Variants in GRIK3 observed in about 807,000 individuals in gnomAD.
The protein encoded by GRIK3 is glutamate receptor ionotropic, kainate 3.
Under a neutral mutation model 102.5 loss-of-function variants are expected in GRIK3, and 29 were observed. The observed-to-expected ratio is 0.28, with a 90% CI of 0.21 to 0.39. The LOEUF (loss-of-function observed/expected upper bound fraction) is 0.39, where lower values mean the gene tolerates loss of function less well. Among genes scored for constraint, GRIK3 ranks in the 10% least tolerant of loss-of-function variants. The pLI, the probability that GRIK3 is intolerant of heterozygous loss-of-function variation, is 1.00. For missense variants in GRIK3, 908 were observed against 1,252.4 expected, an observed-to-expected ratio of 0.73 and a Z score of 4.15; for synonymous variants, 511 against 504.9, an observed-to-expected ratio of 1.01 and a Z score of -0.16.
In GRIK3 at chr1:36,901,278, T is replaced by C. The variant is rs188383018; in HGVS notation, c.116-10182A>G. The stretch of plus-strand genomic sequence containing the variant: ...TCTCTCATTAATACAGATACAGAAA[T>C]CCTCAACAAAAAGTTAGCAAATTGA... On this transcript the variant is annotated intron_variant, in intron 1 of 15. Coordinates refer to ENST00000373091, the MANE Select transcript of GRIK3 (RefSeq NM_000831.4). Among the ~76,000 whole-genome samples the C allele has an allele frequency of 2.3e-3, 353 of 152,170 alleles. 2 individuals are homozygous for C. The highest frequency in any genetic ancestry group is 8.1e-3 in the African/African-American group (335 of 41,522).
intron 15 of GRIK3, among the ~76,000 whole-genome samples, chr1:36,803,333 G>A (rs1300406017): frequency 6.6e-6 from 1 of 152,234 alleles, no homozygotes; most frequent in African/African-American, 2.4e-5. Flanking sequence ...CAGAGTAGGG[G>A]AGGAGAGTGA....
At position 36,932,124 on chromosome 1, in the gene GRIK3, C is replaced by A. The variant is rs545425; in HGVS notation, c.116-41028G>T. ...CATCCCACAGATCTGCTGGCCTCTC[C>A]GCTTGTTTCTCCTTCCTTCTCTAGG... On this transcript the variant is annotated intron_variant, in intron 1 of 15. Coordinates refer to ENST00000373091, the MANE Select transcript of GRIK3 (RefSeq NM_000831.4). 2.7e-4 allele frequency among the ~76,000 whole-genome samples: 41 copies of A among 152,254 alleles called. 2 individuals carry two copies. Among genetic ancestry groups the A allele is most frequent in the African/African-American group, 9.6e-4 (40 of 41,536 alleles).
At chr1:37,020,659 A>G (rs1489086812) in intron 1 of GRIK3, among the ~76,000 whole-genome samples, 1 of 152,190 alleles carries the variant, frequency 6.6e-6, no homozygotes, top group African/African-American at 2.4e-5. Flanking sequence ...AGAAAATTCC[A>G]TCTATTACCT....
chr1:37,025,411 C>T (rs1642756150), intron 1 of GRIK3, among the ~76,000 whole-genome samples: 1 of 152,222 alleles, frequency 6.6e-6, no homozygotes, highest in Non-Finnish European at 1.5e-5. Flanking sequence ...CAGCAATCTG[C>T]ATCTTAATGA....
intron 1 of GRIK3, among the ~76,000 whole-genome samples, chr1:36,933,289 C>T (rs1445375732): frequency 6.6e-6 from 1 of 152,162 alleles, no homozygotes; most frequent in Non-Finnish European, 1.5e-5. Context: ...GGTGTCAAAC[C>T]TCAGTTCACA....
intron 5 of GRIK3, among the ~76,000 whole-genome samples, chr1:36,863,817 G>A (rs577501335): frequency 2.2e-4 from 34 of 152,222 alleles, no homozygotes; most frequent in African/African-American, 8.2e-4. Flanking sequence ...TATGAGCTAT[G>A]GGCTGAATAT....
Position 36,825,650 on chromosome 1 carries a change from A to T in GRIK3, c.1707T>A (p.Val569=). The T allele has an allele frequency of 6.2e-7, 1 of 1,609,994 alleles. No homozygotes were observed. The highest frequency in any genetic ancestry group is 8.5e-7 in the Non-Finnish European group (1 of 1,178,254). The change falls in exon 11 of 16, where the codon GTT becomes GTA. Residue 569 remains valine, a synonymous_variant. Coordinates refer to ENST00000373091, the MANE Select transcript of GRIK3 (RefSeq NM_000831.4). ...NPLSPDIWMY[V]LLAYLGVSCV... is the part of the protein sequence containing the mutation. ...AGCTGACCCCCAGGTAGGCGAGGAG[A>T]ACATACATCCAGATGTCTGGGGACA...
At chr1:36,940,734 C>T in intron 1 of GRIK3, among the ~76,000 whole-genome samples, 1 of 152,206 alleles carries the variant, frequency 6.6e-6, no homozygotes, top group East Asian at 1.9e-4. Flanking sequence ...AGCTGTGGCT[C>T]TGCCTTGCTA....
intron 1 of GRIK3, among the ~76,000 whole-genome samples, chr1:37,033,033 G>A (rs1642845106): frequency 6.6e-6 from 1 of 152,178 alleles, no homozygotes; most frequent in African/African-American, 2.4e-5. Context: ...CCGGCCTGGT[G>A]GCGGGCGCAG....
At chr1:36,908,478 C>T (rs1426891342) in intron 1 of GRIK3, among the ~76,000 whole-genome samples, 1 of 152,192 alleles carries the variant, frequency 6.6e-6, no homozygotes, top group Non-Finnish European at 1.5e-5. Flanking sequence ...AAGCTCCACC[C>T]ATGCAAGAAG....
chr1:36,808,276 G>T (rs1209022641), intron 13 of GRIK3, among the ~76,000 whole-genome samples: 1 of 152,188 alleles, frequency 6.6e-6, no homozygotes, highest in African/African-American at 2.4e-5. Context: ...TTCTCCTGTT[G>T]TAGAAAGCTT....
chr1:36,893,518 G>A (rs1416423988), intron 1 of GRIK3, among the ~76,000 whole-genome samples: 2 of 152,146 alleles, frequency 1.3e-5, no homozygotes, highest in African/African-American at 4.8e-5. Flanking sequence ...AGTTGGTAAA[G>A]ATACAAAATA....
At chr1:36,926,494 G>A (rs188256698) in intron 1 of GRIK3, among the ~76,000 whole-genome samples, 22 of 151,838 alleles carry the variant, frequency 1.4e-4, no homozygotes, top group African/African-American at 3.4e-4. Context: ...GGGTTCAAGC[G>A]ATTCTTCTGC....
At chr1:36,891,474 T>A (rs139191151) in intron 1 of GRIK3, among the ~76,000 whole-genome samples, 1 of 152,196 alleles carries the variant, frequency 6.6e-6, no homozygotes. Flanking sequence ...TCTATGAATA[T>A]CATTCCATCA....
intron 7 of GRIK3, among the ~76,000 whole-genome samples, chr1:36,856,051 G>A (rs578248921): frequency 2.0e-5 from 3 of 152,234 alleles, no homozygotes; most frequent in Non-Finnish European, 4.4e-5. Context: ...TGCCTAGGGA[G>A]CTGGGGACCG....
At chr1:36,975,370 C>G (rs1413817766) in intron 1 of GRIK3, among the ~76,000 whole-genome samples, 1 of 147,454 alleles carries the variant, frequency 6.8e-6, no homozygotes, top group Non-Finnish European at 1.5e-5. Context: ...TCTCAGCTCA[C>G]TGCAACCTCC....
chr1:36,979,099 T>C (rs1642222843), intron 1 of GRIK3, among the ~76,000 whole-genome samples: 1 of 152,206 alleles, frequency 6.6e-6, no homozygotes, highest in Non-Finnish European at 1.5e-5. Context: ...CAGATCAGGG[T>C]TGCTACTGAT....
chr1:37,022,443 T>C (rs554515355), intron 1 of GRIK3, among the ~76,000 whole-genome samples: 75 of 152,292 alleles, frequency 4.9e-4, no homozygotes, highest in Middle Eastern at 6.8e-3. Flanking sequence ...AAGAAGACAG[T>C]TTGTCTCTCT....
In GRIK3 at chr1:36,833,455, G is replaced by A. The variant is rs191877464; in HGVS notation, c.1531-7629C>T. 8.5e-3 allele frequency among the ~76,000 whole-genome samples: 1,291 copies of A among 152,282 alleles called. 9 individuals carry two copies. Among genetic ancestry groups the A allele is most frequent in the Non-Finnish European group, 0.01 (694 of 68,028 alleles). ...CAGAGCTCTCCAGTCACTGCCCTGG[G>A]CAACCTGGCTGGTCGGGGGAGGGCT... is the stretch of plus-strand genomic sequence containing the variant. On this transcript the variant is annotated intron_variant, in intron 10 of 15. Transcript: ENST00000373091.
Sources: allele counts gnomAD v4.1 joint callset (sites outside exome capture counted in the v4.1 genomes callset), GRCh38; gene constraint gnomAD v4.1.1; transcripts MANE v1.5; gene names NCBI Gene and HGNC (gene_info 2026-07-23, HGNC 2026-07-21).